Variants in PXDC1 observed in about 807,000 individuals in gnomAD.
PXDC1 encodes the protein PX domain-containing protein 1.
PXDC1 carries 13 observed loss-of-function variants against 24.4 expected under a neutral mutation model. The ratio of observed to expected loss-of-function variants is 0.53; its 90% CI spans 0.35 to 0.85. The LOEUF is 0.85. Among genes scored for constraint, PXDC1 ranks in the 40% least tolerant of loss-of-function variants. The probability of loss-of-function intolerance (pLI) is 0.01; values close to 1 mark genes in which losing one functional copy is unlikely to be tolerated. For synonymous variants in PXDC1, 162 were observed against 124.9 expected (o/e 1.30, Z -1.98); for missense variants, 344 against 309.3 (o/e 1.11, Z -0.84).
Position 3,725,088 on chromosome 6 carries a change from C to T in PXDC1, c.579-1352G>A, listed in dbSNP as rs1405943004. Among the ~76,000 whole-genome samples the T allele has an allele frequency of 1.3e-5, 2 of 152,134 alleles. No homozygotes were observed. Among genetic ancestry groups the T allele is most frequent in the Non-Finnish European group, 2.9e-5 (2 of 68,008 alleles). On this transcript the variant is annotated intron_variant, in intron 4 of 4. Coordinates refer to ENST00000380283, the MANE Select transcript of PXDC1 (RefSeq NM_183373.4). The surrounding 1 kb of genome is among the most constrained non-coding windows in gnomAD (Gnocchi z 4.8). ...GGCTCACGGAGACAGAGCAGCTCTC[C>T]AACTTCATCCAGGGAATGAAATCTC...
Position 3,737,226 on chromosome 6 carries a change from C to T in PXDC1, c.349-30G>A, listed in dbSNP as rs1414849492. 4 of 1,478,432 alleles carry T rather than the reference C, an allele frequency of 2.7e-6. No homozygotes were observed. Among genetic ancestry groups the T allele is most frequent in the Admixed American group, 1.7e-5 (1 of 59,780 alleles). 91.6% of individuals were successfully genotyped at this position (1,478,432 alleles called of 1,614,324 possible). A position where few individuals can be genotyped will look rare whatever the true frequency, so the allele number is the denominator to read the frequency against. ...GGAGAAATGCAGGGATTACTAAAAA[C>T]GATCAGCCTCTACACGTTGGCCCTG... On this transcript the variant is annotated intron_variant, in intron 2 of 4. Transcript: ENST00000380283. This position sits in a 1 kb window ranked among gnomAD's most constrained non-coding sequence, Gnocchi z 5.5.
intron 3 of PXDC1, among the ~76,000 whole-genome samples, chr6:3,733,617 T>C (rs1191102934): frequency 1.3e-5 from 2 of 152,078 alleles, no homozygotes; most frequent in African/African-American, 4.8e-5. Context: ...CTCAGAGCAC[T>C]TGAGACCCTC....
chr6:3,742,791 A>C (rs756910183), intron 1 of PXDC1, among the ~76,000 whole-genome samples: 12 of 152,260 alleles, frequency 7.9e-5, no homozygotes, highest in Non-Finnish European at 7.3e-5. Context: ...AATTGGTAAC[A>C]CAATTGTACA....
rs770259473 is a variant in PXDC1, at chr6:3,723,529, G to T, written c.*90C>A. 1 of 1,005,280 alleles carries T rather than the reference G, an allele frequency of 9.9e-7. No individual in the cohort carries two copies. The highest frequency in any genetic ancestry group is 1.6e-6 in the Non-Finnish European group (1 of 641,478). The allele number at this position is 1,005,280 out of a possible 1,614,324, so 62.3% of individuals were successfully genotyped here. On this transcript the variant is annotated 3_prime_UTR_variant, in exon 5 of 5. Coordinates refer to ENST00000380283, the MANE Select transcript of PXDC1 (RefSeq NM_183373.4). The stretch of plus-strand genomic sequence containing the variant: ...GGACGTCTGGGAGTTCCAGAGCTGG[G>T]GCAGCAGCTGTGACCATGGGGGCCA...
Position 3,751,637 on chromosome 6 carries a change from G to T in PXDC1, c.-106C>A. On this transcript the variant is annotated 5_prime_UTR_variant, in exon 1 of 5. Transcript: ENST00000380283. Reference sequence around the variant, plus strand: ...CCCGGGTCTGTCCGTGGCCGGGGTCGTCCGGGGTCGGCCCGTCACTCCAAG... The same window carrying T: ...CCCGGGTCTGTCCGTGGCCGGGGTCTTCCGGGGTCGGCCCGTCACTCCAAG... The T allele has an allele frequency of 7.5e-7, 1 of 1,340,596 alleles. No individual in the cohort carries two copies. Among genetic ancestry groups the T allele is most frequent in the Non-Finnish European group, 9.5e-7 (1 of 1,051,444 alleles). The allele number at this position is 1,340,596 out of a possible 1,614,324, so 83.0% of individuals were successfully genotyped here. A position where few individuals can be genotyped will look rare whatever the true frequency, so the allele number is the denominator to read the frequency against.
In PXDC1 at chr6:3,751,486, C is replaced by G; in HGVS notation, c.46G>C (p.Val16Leu). The change falls in exon 1 of 5, where the codon GTG becomes CTG. Residue 16 changes from valine to leucine, a missense_variant. Val to Leu is a conservative substitution (Grantham distance 32, BLOSUM62 1). Coordinates refer to ENST00000380283, the MANE Select transcript of PXDC1 (RefSeq NM_183373.4). ...FEGTSLVNMF[V>L]RGCWVNGIRR... Reference sequence around the variant, plus strand: ...ATGCCGTTCACCCAGCAGCCGCGCACGAACATGTTCACGAGCGACGTGCCC... The same window carrying G: ...ATGCCGTTCACCCAGCAGCCGCGCAGGAACATGTTCACGAGCGACGTGCCC... The G allele has an allele frequency of 6.2e-7, 1 of 1,604,320 alleles. No individual in the cohort carries two copies. Among genetic ancestry groups the G allele is most frequent in the South Asian group, 1.1e-5 (1 of 89,398 alleles).
intron 3 of PXDC1, among the ~76,000 whole-genome samples, chr6:3,730,438 T>C (rs1711744674): frequency 6.6e-6 from 1 of 152,140 alleles, no homozygotes; most frequent in African/African-American, 2.4e-5. Flanking sequence ...CTCTAACAGT[T>C]TACATTTTTA....
At chr6:3,736,925 A>G (rs1334041127) in intron 3 of PXDC1, among the ~76,000 whole-genome samples, 154 bp downstream of exon 3, 1 of 152,222 alleles carries the variant, frequency 6.6e-6, no homozygotes, top group African/African-American at 2.4e-5. Context: ...TGGGAGAATC[A>G]GGCAACAGTC....
In PXDC1 at chr6:3,737,297, T is replaced by C. The variant is rs1290475631; in HGVS notation, c.349-101A>G. On this transcript the variant is annotated intron_variant, in intron 2 of 4. Transcript: ENST00000380283. This position sits in a 1 kb window ranked among gnomAD's most constrained non-coding sequence, Gnocchi z 5.5. ...CCCGCTCCTCCGCAGAGGCAGCCTGTGTGATGCAAACGCCCCATGAATGTC... is the reference window on the plus strand; with the variant it reads ...CCCGCTCCTCCGCAGAGGCAGCCTGCGTGATGCAAACGCCCCATGAATGTC... 2 of 825,370 alleles carry C rather than the reference T, an allele frequency of 2.4e-6. No homozygotes were observed. Among genetic ancestry groups the C allele is most frequent in the Non-Finnish European group, 4.1e-6 (2 of 492,186 alleles). The allele number at this position is 825,370 out of a possible 1,614,324, so 51.1% of individuals were successfully genotyped here. A position where few individuals can be genotyped will look rare whatever the true frequency, so the allele number is the denominator to read the frequency against.
intron 1 of PXDC1, among the ~76,000 whole-genome samples, chr6:3,746,678 C>T (rs1206612854): frequency 1.3e-5 from 2 of 152,082 alleles, no homozygotes; most frequent in Non-Finnish European, 1.5e-5. Flanking sequence ...GCTCTGCTGC[C>T]CGGGACTGGT....
chr6:3,733,390 A>C (rs1760245098), intron 3 of PXDC1, among the ~76,000 whole-genome samples: 1 of 152,148 alleles, frequency 6.6e-6, no homozygotes, highest in Non-Finnish European at 1.5e-5. Flanking sequence ...TGTCAATAGT[A>C]ATTTCATTAA....
intron 1 of PXDC1, among the ~76,000 whole-genome samples, chr6:3,741,987 T>C (rs564333493): frequency 1.3e-5 from 2 of 152,376 alleles, no homozygotes; most frequent in East Asian, 3.9e-4. Flanking sequence ...CATCTTGCAA[T>C]TTCTGATTGT....
At chr6:3,740,973 C>G (rs1760437551) in intron 1 of PXDC1, among the ~76,000 whole-genome samples, 1 of 152,276 alleles carries the variant, frequency 6.6e-6, no homozygotes, top group Non-Finnish European at 1.5e-5. Flanking sequence ...TGGCCCATGC[C>G]AGGGATGCGA....
At position 3,728,872 on chromosome 6, in the gene PXDC1, C is replaced by T. The variant is rs1760133205; in HGVS notation, c.467-1210G>A. ...TCTTGGAGCTAAAGTCCTCCAGCTGCCCGTGAGCCTGCTCATCTCCTAACC... is the reference window on the plus strand; with the variant it reads ...TCTTGGAGCTAAAGTCCTCCAGCTGTCCGTGAGCCTGCTCATCTCCTAACC... On this transcript the variant is annotated intron_variant, in intron 3 of 4. Transcript: ENST00000380283. The surrounding 1 kb of genome is among the most constrained non-coding windows in gnomAD (Gnocchi z 4.0). 6.6e-6 allele frequency among the ~76,000 whole-genome samples: 1 copy of T among 152,172 alleles called. No homozygotes were observed. Among genetic ancestry groups the T allele is most frequent in the South Asian group, 2.1e-4 (1 of 4,824 alleles).
At position 3,751,638 on chromosome 6, in the gene PXDC1, T is replaced by G. The variant is rs1460674884; in HGVS notation, c.-107A>C. 1 of 1,340,088 alleles carries G rather than the reference T, an allele frequency of 7.5e-7. No individual in the cohort carries two copies. The highest frequency in any genetic ancestry group is 9.5e-7 in the Non-Finnish European group (1 of 1,051,372). 83.0% of individuals were successfully genotyped at this position (1,340,088 alleles called of 1,614,324 possible). A position where few individuals can be genotyped will look rare whatever the true frequency, so the allele number is the denominator to read the frequency against. On this transcript the variant is annotated 5_prime_UTR_variant, in exon 1 of 5. Coordinates refer to ENST00000380283, the MANE Select transcript of PXDC1 (RefSeq NM_183373.4). ...CCGGGTCTGTCCGTGGCCGGGGTCG[T>G]CCGGGGTCGGCCCGTCACTCCAAGG...
rs888093034 is a variant in PXDC1 at position 3,723,362 on chromosome 6, G to A, written c.*257C>T. 2 of 525,390 alleles carry A rather than the reference G, an allele frequency of 3.8e-6. No individual in the cohort carries two copies. The highest frequency in any genetic ancestry group is 6.3e-5 in the Admixed American group (2 of 31,982). 32.5% of individuals were successfully genotyped at this position (525,390 alleles called of 1,614,324 possible). A position where few individuals can be genotyped will look rare whatever the true frequency, so the allele number is the denominator to read the frequency against. On this transcript the variant is annotated 3_prime_UTR_variant, in exon 5 of 5. Transcript: ENST00000380283. ...CAGCCCTGTGGGCACCAAGCAGGGA[G>A]TGAAGACCCTCAGAACACAGGCCCT... is the stretch of plus-strand genomic sequence containing the variant.
At chr6:3,740,397 C>T (rs1760426597) in intron 1 of PXDC1, among the ~76,000 whole-genome samples, 2 of 152,218 alleles carry the variant, frequency 1.3e-5, no homozygotes, top group African/African-American at 4.8e-5. Flanking sequence ...TTCAGATAAA[C>T]AATGGATAAT....
Position 3,742,484 on chromosome 6 carries a change from G to C in PXDC1, c.257-4336C>G, listed in dbSNP as rs1048670612. Among the ~76,000 whole-genome samples, 42 of 152,196 alleles carry C rather than the reference G, an allele frequency of 2.8e-4. 1 individual carries two copies. Among genetic ancestry groups the C allele is most frequent in the Non-Finnish European group, 5.9e-5 (4 of 68,034 alleles). Reference sequence around the variant, plus strand: ...GCACGGATGAATACCGCAGGCAGGTGAAGAGGGTTGCCTATTCTGCCAAGC... The same window carrying C: ...GCACGGATGAATACCGCAGGCAGGTCAAGAGGGTTGCCTATTCTGCCAAGC... On this transcript the variant is annotated intron_variant, in intron 1 of 4. Coordinates refer to ENST00000380283, the MANE Select transcript of PXDC1 (RefSeq NM_183373.4).
intron 1 of PXDC1, among the ~76,000 whole-genome samples, chr6:3,742,002 T>A (rs1330767836): frequency 6.6e-6 from 1 of 152,274 alleles, no homozygotes; most frequent in Non-Finnish European, 1.5e-5. Context: ...GATTGTTTTA[T>A]ATTCACTAAG....
Sources: gnomAD v4.1 joint callset for allele counts (sites outside exome capture counted in the v4.1 genomes callset) on GRCh38, gnomAD v4.1.1 for gene constraint, Gnocchi (gnomAD v3.1) non-coding constraint, MANE v1.5 for transcripts, NCBI Gene and HGNC (gene_info 2026-07-23, HGNC 2026-07-21) for gene names.